Variants in ADAMTS2 observed in about 807,000 individuals in gnomAD.
The protein encoded by ADAMTS2 is A disintegrin and metalloproteinase with thrombospondin motifs 2.
In ADAMTS2, 50 loss-of-function variants were observed where a neutral mutation model predicts 123.0. That is an observed-to-expected ratio of 0.41 (90% CI 0.32 to 0.51). ADAMTS2 has a LOEUF of 0.51. Ranked by LOEUF, ADAMTS2 falls within the 20% of genes least tolerant of loss-of-function variation. ADAMTS2 has a pLI of 0.35. For missense variants in ADAMTS2, 1,494 were observed against 1,705.2 expected (o/e 0.88, Z 2.18); for synonymous variants, 678 against 695.4 (o/e 0.98, Z 0.39).
chr5:179,275,392 G>A (rs1766667418), intron 2 of ADAMTS2, among the ~76,000 whole-genome samples: 1 of 152,126 alleles, frequency 6.6e-6, no homozygotes, highest in Non-Finnish European at 1.5e-5. Flanking sequence ...TGGGCTTCCA[G>A]GTCTGTGGCT....
rs1017677874 is a variant in ADAMTS2 at position 179,262,991 on chromosome 5, C to T, written c.688+9920G>A. Among the ~76,000 whole-genome samples, 4 of 144,928 alleles carry T rather than the reference C, an allele frequency of 2.8e-5. No homozygotes were observed. The highest frequency in any genetic ancestry group is 1.1e-4 in the African/African-American group (4 of 37,596). On this transcript the variant is annotated intron_variant, in intron 3 of 21. Transcript: ENST00000251582. This position sits in a 1 kb window ranked among gnomAD's most constrained non-coding sequence, Gnocchi z 5.9. ...AGTAGAGCTGCTAATGCTATTATTC[C>T]CCCATGATTTGGGGAGCAGTATTAT...
rs557017899 is a variant in ADAMTS2 at position 179,130,173 on chromosome 5, C to T, written c.2291-75G>A. 41 of 1,590,048 alleles carry T rather than the reference C, an allele frequency of 2.6e-5. No homozygotes were observed. Among genetic ancestry groups the T allele is most frequent in the African/African-American group, 1.7e-4 (13 of 74,628 alleles). ...CCCAGGCCCACTGGTTTGGGCTGGTCGGGGAGTGGGGGCAGCTAGCTGGAC... is the reference window on the plus strand; with the variant it reads ...CCCAGGCCCACTGGTTTGGGCTGGTTGGGGAGTGGGGGCAGCTAGCTGGAC... On this transcript the variant is annotated intron_variant, in intron 15 of 21. Coordinates refer to ENST00000251582, the MANE Select transcript of ADAMTS2 (RefSeq NM_014244.5). This position sits in a 1 kb window ranked among gnomAD's most constrained non-coding sequence, Gnocchi z 4.3.
intron 5 of ADAMTS2, among the ~76,000 whole-genome samples, chr5:179,161,244 G>A (rs781086927): frequency 2.7e-4 from 41 of 152,240 alleles, no homozygotes; most frequent in Admixed American, 1.7e-3. Context: ...AGGAGGAATC[G>A]GGCGAAAGAA....
intron 2 of ADAMTS2, chr5:179,341,429 A>G (rs1304811491): frequency 1.1e-4 from 35 of 318,112 alleles, no homozygotes; most frequent in Non-Finnish European, 1.5e-4. Flanking sequence ...GGCTGGGCGC[A>G]GTGGCTCATG....
intron 2 of ADAMTS2, among the ~76,000 whole-genome samples, chr5:179,310,205 G>A (rs1000488358): frequency 6.6e-6 from 1 of 152,268 alleles, no homozygotes; most frequent in Non-Finnish European, 1.5e-5. Context: ...TGTCTGCTGT[G>A]GGGGCCTGTG....
intron 2 of ADAMTS2, among the ~76,000 whole-genome samples, chr5:179,318,385 C>CCCGA: frequency 6.6e-6 from 1 of 151,454 alleles, no homozygotes; most frequent in Non-Finnish European, 1.5e-5. Context: ...GAGGCGGGGC[C>CCCGA]AGCTAGACAG....
intron 4 of ADAMTS2, among the ~76,000 whole-genome samples, chr5:179,186,394 TG>T (rs781407394): frequency 2.0e-4 from 31 of 152,226 alleles, no homozygotes; most frequent in Non-Finnish European, 3.2e-4. Flanking sequence ...GGAACAGACA[TG>T]GGGGGCAGGC....
chr5:179,333,594 CTG>C (rs1757532772), intron 2 of ADAMTS2, among the ~76,000 whole-genome samples: 5 of 115,324 alleles, frequency 4.3e-5, no homozygotes, highest in East Asian at 5.0e-4. Context: ...TGGTTTTTTT[CTG>C]TTTTTTTTTT....
Position 179,126,074 on chromosome 5 carries a change from G to A in ADAMTS2, c.2674C>T (p.Arg892Cys), listed in dbSNP as rs1554123906. Residue 892 changes from arginine to cysteine, a missense_variant, in exon 18 of 22, where the codon CGT (arginine) becomes TGT (cysteine). Transcript: ENST00000251582. Reference protein sequence around the residue: ...RRRLDHKMVHRGFCAALSKPK... With the variant: ...RRRLDHKMVHCGFCAALSKPK... ...TTCGAGAGGGCGGCACAGAAGCCAC[G>A]GTGTACCATCTTGTGGTCCAGCCTC... is the stretch of plus-strand genomic sequence containing the variant. The A allele has an allele frequency of 2.5e-6, 4 of 1,613,200 alleles. No homozygotes were observed. Among genetic ancestry groups the A allele is most frequent in the Non-Finnish European group, 3.4e-6 (4 of 1,180,016 alleles).
intron 3 of ADAMTS2, among the ~76,000 whole-genome samples, chr5:179,245,872 A>C (rs966906045): frequency 6.6e-6 from 1 of 151,834 alleles, no homozygotes; most frequent in Non-Finnish European, 1.5e-5. Flanking sequence ...GAATTAAGTT[A>C]ATATAAATCT....
intron 5 of ADAMTS2, among the ~76,000 whole-genome samples, chr5:179,176,620 C>T (rs911366169): frequency 5.3e-5 from 8 of 152,274 alleles, no homozygotes; most frequent in African/African-American, 1.9e-4. Flanking sequence ...GGTCCCAGTC[C>T]AGCTGCCAGC....
At chr5:179,221,997 G>C (rs908568648) in intron 3 of ADAMTS2, among the ~76,000 whole-genome samples, 1 of 152,160 alleles carries the variant, frequency 6.6e-6, no homozygotes, top group African/African-American at 2.4e-5. Context: ...TAAATCCCAA[G>C]GTGCAGACTC....
intron 13 of ADAMTS2, 151 bp from the exon 14 acceptor site, chr5:179,133,051 G>T: frequency 9.4e-7 from 1 of 1,061,054 alleles, no homozygotes; most frequent in Non-Finnish European, 1.4e-6. Flanking sequence ...GAACCACCTT[G>T]CCTGGCCTCA....
intron 5 of ADAMTS2, among the ~76,000 whole-genome samples, chr5:179,172,224 T>G (rs181312855): frequency 1.3e-5 from 2 of 152,244 alleles, no homozygotes; most frequent in Non-Finnish European, 2.9e-5. Flanking sequence ...TTGCTGGCTA[T>G]GGATCTCAGC....
chr5:179,246,382 T>G (rs1490152467), intron 3 of ADAMTS2, among the ~76,000 whole-genome samples: 1 of 152,154 alleles, frequency 6.6e-6, no homozygotes, highest in East Asian at 1.9e-4. Context: ...TCAAAAGTAT[T>G]TAAAGGTAAA....
At chr5:179,280,319 G>A (rs1393226138) in intron 2 of ADAMTS2, among the ~76,000 whole-genome samples, 1 of 152,196 alleles carries the variant, frequency 6.6e-6, no homozygotes, top group Admixed American at 6.5e-5. Context: ...GGCAGGCAGG[G>A]AGAGTAAGCA....
intron 19 of ADAMTS2, 114 bp downstream of exon 19, chr5:179,124,859 C>T: frequency 1.3e-6 from 2 of 1,597,042 alleles, no homozygotes; most frequent in Admixed American, 3.5e-5. Flanking sequence ...GCTTGGCATG[C>T]ACGGAGCGGG....
At chr5:179,252,243 C>G (rs1829698924) in intron 3 of ADAMTS2, among the ~76,000 whole-genome samples, 2 of 152,076 alleles carry the variant, frequency 1.3e-5, no homozygotes, top group African/African-American at 4.8e-5. Flanking sequence ...CCCCTGAGCT[C>G]AGGTGATCCA....
chr5:179,132,817 T>C lies in ADAMTS2; in HGVS notation c.2169A>G (p.Lys723=). The part of the protein sequence containing the change: ...GVCGGDNSHC[K]VVKGTFTRSP... ...ACCGTGTGAACGTGCCCTTGACCAC[T>C]TTGCAGTGGCTGTTGTCCCCTCCGC... Residue 723 remains lysine (K), a synonymous_variant, in exon 14 of 22, where the codon AAA becomes AAG. Transcript: ENST00000251582. This position sits in a 1 kb window ranked among gnomAD's most constrained non-coding sequence, Gnocchi z 6.1. 1 of 1,614,100 alleles carries C rather than the reference T, an allele frequency of 6.2e-7. No homozygotes were observed. Among genetic ancestry groups the C allele is most frequent in the South Asian group, 1.1e-5 (1 of 91,080 alleles).
Sources: allele counts gnomAD v4.1 joint callset (sites outside exome capture counted in the v4.1 genomes callset), GRCh38; gene constraint gnomAD v4.1.1; non-coding constraint Gnocchi (gnomAD v3.1); transcripts MANE v1.5; gene names NCBI Gene and HGNC (gene_info 2026-07-23, HGNC 2026-07-21).